DIAPH3: variants seen among roughly 807,000 people sequenced by gnomAD.
DIAPH3 encodes diaphanous related formin 3.
In DIAPH3, 117 loss-of-function variants were observed where a neutral mutation model predicts 144.3. The ratio of observed to expected loss-of-function variants is 0.81; its 90% CI spans 0.70 to 0.95. The LOEUF (loss-of-function observed/expected upper bound fraction) is 0.95. Ranked by LOEUF, DIAPH3 falls within the 40% of genes least tolerant of loss-of-function variation. DIAPH3 has a pLI of 0.00. For synonymous variants in DIAPH3, 519 were observed against 488.9 expected, an observed-to-expected ratio of 1.06 and a Z score of -0.81; for missense variants, 1,421 against 1,412.7, an observed-to-expected ratio of 1.01 and a Z score of -0.09.
At chr13:60,036,789 T>C (rs184641510) in intron 5 of DIAPH3, among the ~76,000 whole-genome samples, 6 of 151,900 alleles carry the variant, frequency 3.9e-5, no homozygotes, top group Middle Eastern at 3.4e-3. Context: ...AAAAAACATA[T>C]CCAGAATGGA....
chr13:59,853,625 G>A (rs2043102359), intron 22 of DIAPH3, among the ~76,000 whole-genome samples: 1 of 152,110 alleles, frequency 6.6e-6, no homozygotes, highest in African/African-American at 2.4e-5. Flanking sequence ...CTGTGTAACT[G>A]CGAGCCACTT....
chr13:59,901,621 A>T (rs182263052), intron 20 of DIAPH3, among the ~76,000 whole-genome samples: 38 of 152,344 alleles, frequency 2.5e-4, no homozygotes, highest in Non-Finnish European at 7.4e-5. Context: ...TAAGAGAAGG[A>T]TCATCACATT....
At chr13:60,141,637 C>T (rs2059426987) in intron 1 of DIAPH3, among the ~76,000 whole-genome samples, 1 of 152,182 alleles carries the variant, frequency 6.6e-6, no homozygotes, top group African/African-American at 2.4e-5. Flanking sequence ...ATTCCTAAAA[C>T]ATTCATTCAT....
At chr13:59,732,172 T>G (rs1176957613) in intron 27 of DIAPH3, among the ~76,000 whole-genome samples, 1 of 151,888 alleles carries the variant, frequency 6.6e-6, no homozygotes, top group Non-Finnish European at 1.5e-5. Flanking sequence ...AAAGTCCTCT[T>G]GTGAAAAAAA....
At chr13:60,064,804 C>G (rs535797190) in intron 4 of DIAPH3, among the ~76,000 whole-genome samples, 4 of 152,172 alleles carry the variant, frequency 2.6e-5, no homozygotes, top group Non-Finnish European at 4.4e-5. Context: ...AGTTGACACA[C>G]CTTCCTCACT....
chr13:60,132,918 T>C, intron 2 of DIAPH3, 39 bp downstream of exon 2: 1 of 1,562,954 alleles, frequency 6.4e-7, no homozygotes, highest in African/African-American at 1.4e-5. Context: ...TATGGTTAGT[T>C]ACAATTCATA....
intron 2 of DIAPH3, among the ~76,000 whole-genome samples, chr13:60,125,513 G>A (rs12427536): frequency 0.31 from 46,685 of 149,506 alleles, 7,585 homozygotes; most frequent in Admixed American, 0.41. Context: ...ACAAAGTGCC[G>A]TGATTACAGA....
chr13:59,797,366 T>G (rs929940182), intron 25 of DIAPH3, among the ~76,000 whole-genome samples: 1 of 152,200 alleles, frequency 6.6e-6, no homozygotes, highest in Admixed American at 6.5e-5. Flanking sequence ...TAAATAAATA[T>G]TTGCTGAAAG....
At chr13:60,120,626 A>G (rs561546664) in intron 2 of DIAPH3, among the ~76,000 whole-genome samples, 10 of 152,334 alleles carry the variant, frequency 6.6e-5, no homozygotes, top group African/African-American at 1.9e-4. Context: ...AATTTCTTCA[A>G]TTGCTTGAAA....
chr13:59,879,406 T>C lies in DIAPH3; in HGVS notation c.2430A>G (p.Glu810=). 1 of 1,613,896 alleles carries C rather than the reference T, an allele frequency of 6.2e-7. No homozygotes were observed. The highest frequency in any genetic ancestry group is 8.5e-7 in the Non-Finnish European group (1 of 1,179,848). The change falls in exon 21 of 28, where the codon GAA becomes GAG. Residue 810 remains glutamate (E), a synonymous_variant. Coordinates refer to ENST00000400324, the MANE Select transcript of DIAPH3 (RefSeq NM_001042517.2). ...LSAILFKLQF[E]EQVNNIKPDI... Reference sequence around the variant, plus strand: ...CAGGTTTGATGTTGTTCACCTGCTCTTCAAACTGAAGCTTAAAGAGAATAG... The same window carrying C: ...CAGGTTTGATGTTGTTCACCTGCTCCTCAAACTGAAGCTTAAAGAGAATAG...
At chr13:60,085,020 T>A (rs1237018472) in intron 4 of DIAPH3, among the ~76,000 whole-genome samples, 1 of 152,122 alleles carries the variant, frequency 6.6e-6, no homozygotes, top group East Asian at 1.9e-4. Context: ...GGATATCTCT[T>A]AAGTACAAAA....
At chr13:59,668,900 C>T (rs1384741890) in intron 27 of DIAPH3, among the ~76,000 whole-genome samples, 2 of 151,734 alleles carry the variant, frequency 1.3e-5, no homozygotes, top group East Asian at 3.9e-4. Context: ...TTATGAATAG[C>T]CTGTATTTTG....
At chr13:59,816,723 C>T (rs969323810) in intron 24 of DIAPH3, among the ~76,000 whole-genome samples, 1 of 151,626 alleles carries the variant, frequency 6.6e-6, no homozygotes, top group Non-Finnish European at 1.5e-5. Context: ...TTTATTGATA[C>T]ATAATACATG....
chr13:60,150,528 G>A (rs975071862), intron 1 of DIAPH3, among the ~76,000 whole-genome samples: 1 of 152,160 alleles, frequency 6.6e-6, no homozygotes, highest in Non-Finnish European at 1.5e-5. Flanking sequence ...ATAACAGTAG[G>A]GAGAGTGCCC....
chr13:60,000,576 T>C (rs1023080589), intron 9 of DIAPH3, among the ~76,000 whole-genome samples: 1 of 152,150 alleles, frequency 6.6e-6, no homozygotes, highest in African/African-American at 2.4e-5. Flanking sequence ...CTAAAGAGTA[T>C]ACTAAAATCA....
chr13:60,032,913 T>G (rs2054912408), intron 5 of DIAPH3, among the ~76,000 whole-genome samples: 1 of 152,216 alleles, frequency 6.6e-6, no homozygotes, highest in Non-Finnish European at 1.5e-5. Flanking sequence ...TAAATTTCTT[T>G]GCTCCAACAT....
chr13:59,913,514 A>C (rs1318626031), intron 19 of DIAPH3, among the ~76,000 whole-genome samples: 1 of 152,104 alleles, frequency 6.6e-6, no homozygotes, highest in Non-Finnish European at 1.5e-5. Context: ...TTGCCTCCAC[A>C]CATACACTCA....
intron 17 of DIAPH3, among the ~76,000 whole-genome samples, chr13:59,944,156 G>A (rs1363680240): frequency 6.6e-6 from 1 of 152,088 alleles, no homozygotes. Flanking sequence ...CAAGGTTGCA[G>A]TGTGTGATAA....
At chr13:59,965,452 C>A (rs1482907114) in intron 17 of DIAPH3, among the ~76,000 whole-genome samples, 1 of 151,136 alleles carries the variant, frequency 6.6e-6, no homozygotes, top group Non-Finnish European at 1.5e-5. Flanking sequence ...TTTTACTTGA[C>A]AAATCCAACA....
Sources: gnomAD v4.1 joint callset for allele counts (sites outside exome capture counted in the v4.1 genomes callset) on GRCh38, gnomAD v4.1.1 for gene constraint, MANE v1.5 for transcripts, NCBI Gene and HGNC (gene_info 2026-07-23, HGNC 2026-07-21) for gene names.